Variants in CCDC15 observed in about 807,000 individuals in gnomAD.
CCDC15 encodes coiled-coil domain containing 15.
CCDC15 carries 105 observed loss-of-function variants against 114.5 expected under a neutral mutation model. The observed-to-expected ratio is 0.92, with a 90% CI of 0.78 to 1.08. The LOEUF is 1.08. CCDC15 is among the 50% of genes least tolerant of loss of function. The pLI is 0.00. For synonymous variants in CCDC15, 334 were observed against 377.8 expected (o/e 0.88, Z 1.34); for missense variants, 1,105 against 1,093.6 (o/e 1.01, Z -0.15).
At chr11:125,027,036 C>T (rs1470520329) in intron 13 of CCDC15, among the ~76,000 whole-genome samples, 1 of 152,180 alleles carries the variant, frequency 6.6e-6, no homozygotes, top group Non-Finnish European at 1.5e-5. Flanking sequence ...TAGCCTCCAA[C>T]TCCATCCAAG....
intron 13 of CCDC15, among the ~76,000 whole-genome samples, chr11:125,037,920 G>GTTT (rs201886134): frequency 1.7e-5 from 2 of 115,148 alleles, no homozygotes; most frequent in Non-Finnish European, 3.5e-5. Context: ...CAGAAAAACT[G>GTTT]TTTTTTTTTT....
chr11:124,985,442 C>G (rs187999107), intron 6 of CCDC15, among the ~76,000 whole-genome samples: 1 of 152,246 alleles, frequency 6.6e-6, no homozygotes, highest in Admixed American at 6.5e-5. Context: ...AGTTTTCCAC[C>G]AGCAATATGT....
At chr11:124,984,157 C>T (rs1198929335) in intron 6 of CCDC15, among the ~76,000 whole-genome samples, 1 of 152,124 alleles carries the variant, frequency 6.6e-6, no homozygotes, top group African/African-American at 2.4e-5. Flanking sequence ...GAGGTGAGGT[C>T]TGCCTGCACA....
At chr11:124,998,016 G>T (rs1948405046) in intron 11 of CCDC15, among the ~76,000 whole-genome samples, 1 of 152,188 alleles carries the variant, frequency 6.6e-6, no homozygotes. Flanking sequence ...TGGGGGAAAG[G>T]TAATCCTTGT....
intron 11 of CCDC15, among the ~76,000 whole-genome samples, chr11:125,000,178 G>A (rs1290741301): frequency 6.6e-6 from 1 of 151,964 alleles, no homozygotes; most frequent in Admixed American, 6.6e-5. Context: ...TTCTAATATT[G>A]TATTTTGAGA....
intron 11 of CCDC15, among the ~76,000 whole-genome samples, chr11:124,995,380 AT>A (rs1336298133): frequency 2.0e-5 from 3 of 151,166 alleles, no homozygotes; most frequent in African/African-American, 7.3e-5. Context: ...TTGTTTTCTT[AT>A]TGTCTGGAGA....
At chr11:124,967,272 C>T (rs1325263963) in intron 4 of CCDC15, among the ~76,000 whole-genome samples, 1 of 152,232 alleles carries the variant, frequency 6.6e-6, no homozygotes, top group Non-Finnish European at 1.5e-5. Context: ...TTCAGGTACA[C>T]CAATCAAACA....
intron 5 of CCDC15, among the ~76,000 whole-genome samples, chr11:124,975,464 G>T (rs1016022356): frequency 3.9e-5 from 6 of 152,098 alleles, no homozygotes; most frequent in African/African-American, 1.4e-4. Flanking sequence ...ATGAAATTAA[G>T]TATGATATGA....
At chr11:125,039,170 A>T (rs961561395) in intron 15 of CCDC15, 101 bp downstream of exon 15, 5 of 1,112,748 alleles carry the variant, frequency 4.5e-6, no homozygotes, top group Non-Finnish European at 6.3e-6. Context: ...CTTACTATGT[A>T]TCAGAGACTG....
intron 4 of CCDC15, among the ~76,000 whole-genome samples, chr11:124,965,426 C>G (rs187729811): frequency 0.041 from 6,191 of 152,196 alleles, 151 homozygotes; most frequent in Middle Eastern, 0.082. Flanking sequence ...AGTTTATTTA[C>G]GTAGAGGTGT....
At chr11:125,038,248 G>A (rs1476482456) in intron 13 of CCDC15, 183 bp from the exon 14 acceptor site, 4 of 458,722 alleles carry the variant, frequency 8.7e-6, no homozygotes, top group Non-Finnish European at 1.5e-5. Flanking sequence ...AGTAGCCATT[G>A]CTCATTTCTC....
chr11:124,989,581 A>G (rs757268504), intron 8 of CCDC15, among the ~76,000 whole-genome samples: 6 of 152,196 alleles, frequency 3.9e-5, no homozygotes, highest in Admixed American at 2.0e-4. Context: ...TTCTTCCAAT[A>G]TAAGGCTGTT....
At chr11:125,023,084 T>G (rs961514678) in intron 13 of CCDC15, among the ~76,000 whole-genome samples, 1 of 151,920 alleles carries the variant, frequency 6.6e-6, no homozygotes, top group Non-Finnish European at 1.5e-5. Flanking sequence ...ATTTAACAAG[T>G]CTTTGCCTAA....
chr11:124,959,426 T>G (rs1417908932), intron 3 of CCDC15, among the ~76,000 whole-genome samples, 162 bp downstream of exon 3: 1 of 152,170 alleles, frequency 6.6e-6, no homozygotes, highest in African/African-American at 2.4e-5. Flanking sequence ...AAACCATGTT[T>G]TATTCCTGTG....
chr11:125,017,651 C>G (rs1253769509), intron 13 of CCDC15, among the ~76,000 whole-genome samples: 1 of 152,030 alleles, frequency 6.6e-6, no homozygotes, highest in Non-Finnish European at 1.5e-5. Flanking sequence ...ACAGCCTCAG[C>G]CAGGTCCTTC....
Position 125,003,912 on chromosome 11 carries a change from C to G in CCDC15, c.2260C>G (p.Pro754Ala). 1 of 1,565,182 alleles carries G rather than the reference C, an allele frequency of 6.4e-7. No homozygotes were observed. Among genetic ancestry groups the G allele is most frequent in the Non-Finnish European group, 8.6e-7 (1 of 1,161,864 alleles). ...QSGLSTEFQA[P>A]LAFQSDVDKE... Reference sequence around the variant, plus strand: ...AGGATTGAGCACTGAATTCCAAGCTCCACTGGCATTTCAGTCTGACGTGGA... The same window carrying G: ...AGGATTGAGCACTGAATTCCAAGCTGCACTGGCATTTCAGTCTGACGTGGA... Residue 754 changes from proline to alanine, a missense_variant, in exon 12 of 16, where the codon CCA becomes GCA. Physicochemically the swap from Pro to Ala is conservative, Grantham distance 27. Coordinates refer to ENST00000344762, the MANE Select transcript of CCDC15 (RefSeq NM_025004.3).
intron 11 of CCDC15, among the ~76,000 whole-genome samples, chr11:124,998,467 T>G (rs1306871157): frequency 6.6e-6 from 1 of 152,166 alleles, no homozygotes; most frequent in Non-Finnish European, 1.5e-5. Flanking sequence ...AACTGACCTA[T>G]TACCTTTTTG....
intron 13 of CCDC15, among the ~76,000 whole-genome samples, chr11:125,009,120 G>A (rs1159573070): frequency 6.6e-6 from 1 of 151,362 alleles, no homozygotes. Context: ...CCAGCTACTC[G>A]GGAGGCTGAG....
chr11:125,036,515 G>A (rs1303027375), intron 13 of CCDC15, among the ~76,000 whole-genome samples: 1 of 151,678 alleles, frequency 6.6e-6, no homozygotes. Context: ...CTTTCTCTAG[G>A]TTTGGGAAGT....
Sources: gnomAD v4.1 joint callset for allele counts (sites outside exome capture counted in the v4.1 genomes callset) on GRCh38, gnomAD v4.1.1 for gene constraint, MANE v1.5 for transcripts, NCBI Gene and HGNC (gene_info 2026-07-23, HGNC 2026-07-21) for gene names.